Variants in KCNIP4 observed in about 807,000 individuals in gnomAD.
The protein encoded by KCNIP4 is potassium voltage-gated channel interacting protein 4.
A neutral mutation model predicts 34.0 loss-of-function variants in KCNIP4; 12 were observed. The ratio of observed to expected loss-of-function variants is 0.35; its 90% CI spans 0.23 to 0.57. The LOEUF (loss-of-function observed/expected upper bound fraction) is 0.57, where lower values mean the gene tolerates loss of function less well. Among genes scored for constraint, KCNIP4 ranks in the 20% least tolerant of loss-of-function variants. KCNIP4 has a pLI of 0.83. For missense variants in KCNIP4, 238 were observed against 311.7 expected (o/e 0.76, Z 1.78); for synonymous variants, 124 against 102.2 (o/e 1.21, Z -1.29).
intron 1 of KCNIP4, among the ~76,000 whole-genome samples, chr4:21,546,527 C>G (rs1379319859): frequency 6.6e-6 from 1 of 152,054 alleles, no homozygotes; most frequent in Non-Finnish European, 1.5e-5. Flanking sequence ...CTCTCTGATT[C>G]ACTAATGTAT....
chr4:21,153,744 T>G (rs971550146), intron 1 of KCNIP4, among the ~76,000 whole-genome samples: 3 of 152,044 alleles, frequency 2.0e-5, no homozygotes, highest in Non-Finnish European at 4.4e-5. Context: ...AAACACATAT[T>G]TTACCACCTC....
At chr4:20,808,281 A>G (rs1213214955) in intron 3 of KCNIP4, among the ~76,000 whole-genome samples, 4 of 152,172 alleles carry the variant, frequency 2.6e-5, no homozygotes, top group Non-Finnish European at 5.9e-5. Context: ...ATGAATAACA[A>G]CATTTAAGGA....
intron 5 of KCNIP4, among the ~76,000 whole-genome samples, chr4:20,739,223 T>C (rs958061610): frequency 2.0e-5 from 3 of 152,166 alleles, no homozygotes; most frequent in African/African-American, 7.2e-5. Flanking sequence ...TCTGACAGCT[T>C]TGAAGAGAGT....
chr4:20,878,694 G>A (rs1233416654), intron 2 of KCNIP4, among the ~76,000 whole-genome samples: 2 of 152,116 alleles, frequency 1.3e-5, no homozygotes, highest in African/African-American at 4.8e-5. Context: ...AAATTAAGAG[G>A]TGGAGAATTT....
At chr4:21,857,000 A>C (rs921197366) in intron 1 of KCNIP4, among the ~76,000 whole-genome samples, 8 of 152,120 alleles carry the variant, frequency 5.3e-5, no homozygotes, top group Non-Finnish European at 8.8e-5. Context: ...CAGCACAAAC[A>C]GTCTTGGCAT....
chr4:21,508,902 GA>G (rs1452432123), intron 1 of KCNIP4, among the ~76,000 whole-genome samples: 1 of 45,764 alleles, frequency 2.2e-5, no homozygotes, highest in Non-Finnish European at 4.0e-5. Flanking sequence ...GCTGTTAGTT[GA>G]GCGCTGTTAC....
chr4:21,085,682 A>G (rs1229509474), intron 1 of KCNIP4, among the ~76,000 whole-genome samples: 1 of 152,182 alleles, frequency 6.6e-6, no homozygotes, highest in Non-Finnish European at 1.5e-5. Context: ...TTTCATATAA[A>G]TAGTTTACTA....
intron 1 of KCNIP4, among the ~76,000 whole-genome samples, chr4:21,701,181 A>G (rs1016253212): frequency 6.6e-6 from 1 of 152,202 alleles, no homozygotes; most frequent in Non-Finnish European, 1.5e-5. Context: ...GTATGATCTC[A>G]CTTATATGTG....
intron 4 of KCNIP4, among the ~76,000 whole-genome samples, chr4:20,750,913 A>C (rs1753495343): frequency 6.6e-6 from 1 of 152,080 alleles, no homozygotes; most frequent in African/African-American, 2.4e-5. Context: ...CATTGATTTA[A>C]TTTTTACTTT....
At chr4:20,850,801 C>T in intron 2 of KCNIP4, 134 bp from the exon 3 acceptor site, 1 of 913,958 alleles carries the variant, frequency 1.1e-6, no homozygotes, top group Non-Finnish European at 1.6e-6. Flanking sequence ...CCTCACAATG[C>T]CTATAAGGCC....
At chr4:20,963,659 G>A (rs1195652832) in intron 1 of KCNIP4, among the ~76,000 whole-genome samples, 1 of 152,130 alleles carries the variant, frequency 6.6e-6, no homozygotes, top group Non-Finnish European at 1.5e-5. Context: ...GAAATTAGGA[G>A]AGTGGATTTT....
chr4:21,682,343 C>G (rs1319078908), intron 1 of KCNIP4, among the ~76,000 whole-genome samples: 1 of 152,148 alleles, frequency 6.6e-6, no homozygotes, highest in Non-Finnish European at 1.5e-5. Context: ...TGTAACTCGA[C>G]ATAAGATTTG....
intron 1 of KCNIP4, among the ~76,000 whole-genome samples, chr4:21,044,885 C>A (rs1326711895): frequency 6.6e-6 from 1 of 152,180 alleles, no homozygotes; most frequent in Admixed American, 6.5e-5. Flanking sequence ...TGGGGGCCAC[C>A]TGCTCCTTTC....
At chr4:21,558,427 G>A (rs1254273406) in intron 1 of KCNIP4, among the ~76,000 whole-genome samples, 1 of 151,964 alleles carries the variant, frequency 6.6e-6, no homozygotes, top group Non-Finnish European at 1.5e-5. Flanking sequence ...GGGAGGCAGA[G>A]GTTACAGTGA....
At chr4:21,844,228 A>G (rs940532851) in intron 1 of KCNIP4, 1 of 152,138 alleles carries the variant, frequency 6.6e-6, no homozygotes, top group African/African-American at 2.4e-5. Flanking sequence ...TTTCCTAAGA[A>G]CACAGAGGAA....
chr4:21,234,350 A>G (rs1453995563), intron 1 of KCNIP4, among the ~76,000 whole-genome samples: 2 of 124,104 alleles, frequency 1.6e-5, no homozygotes, highest in Admixed American at 9.3e-5. Context: ...AACATACATT[A>G]TATATAACAT....
intron 1 of KCNIP4, among the ~76,000 whole-genome samples, chr4:21,236,148 A>T (rs1000655812): frequency 4.6e-5 from 7 of 152,112 alleles, no homozygotes; most frequent in African/African-American, 1.7e-4. Flanking sequence ...ATACAAAAAT[A>T]AAAATAATAA....
intron 1 of KCNIP4, among the ~76,000 whole-genome samples, chr4:21,451,822 C>T (rs572560453): frequency 9.2e-5 from 14 of 152,082 alleles, no homozygotes; most frequent in Non-Finnish European, 1.3e-4. Context: ...AACAACATAC[C>T]AAATAGGCTT....
chr4:21,297,967 T>G (rs1323828904), intron 1 of KCNIP4, among the ~76,000 whole-genome samples: 6 of 152,174 alleles, frequency 3.9e-5, no homozygotes, highest in Non-Finnish European at 8.8e-5. Context: ...CCTTTTGGAT[T>G]GGCGCTACAA....
Sources: gnomAD v4.1 joint callset for allele counts (sites outside exome capture counted in the v4.1 genomes callset) on GRCh38, gnomAD v4.1.1 for gene constraint, MANE v1.5 for transcripts, NCBI Gene and HGNC (gene_info 2026-07-23, HGNC 2026-07-21) for gene names.